The following LOC400499 variants were observed in gnomAD, a reference collection of about 807,000 sequenced individuals.
chr16:11,442,785 G>A, the LOC400499 span, among the ~76,000 whole-genome samples: 32 of 152,144 alleles, frequency 2.1e-4, no homozygotes, highest in African/African-American at 7.0e-4. Context: ...GGCCCATGGC[G>A]CCGGCTCTGC....
the LOC400499 span, chr16:11,412,723 G>C: frequency 7.6e-6 from 3 of 396,552 alleles, no homozygotes; most frequent in Admixed American, 4.4e-5. Context: ...CCCTGCCCTT[G>C]TTTATGCAGC....
At chr16:11,417,060 T>C in the LOC400499 span, among the ~76,000 whole-genome samples, 1 of 152,150 alleles carries the variant, frequency 6.6e-6, no homozygotes, top group African/African-American at 2.4e-5. Flanking sequence ...TGCTTTTATC[T>C]TCCCACCATA....
the LOC400499 span, chr16:11,448,999 C>T: frequency 6.6e-7 from 1 of 1,524,170 alleles, no homozygotes; most frequent in South Asian, 1.2e-5. Flanking sequence ...ATCTTACGGT[C>T]CCGGCTGTTC....
chr16:11,463,486 G>A, the LOC400499 span, among the ~76,000 whole-genome samples: 2 of 150,762 alleles, frequency 1.3e-5, no homozygotes, highest in Non-Finnish European at 1.5e-5. Flanking sequence ...ACACAGACAT[G>A]TGGGTGCATA....
the LOC400499 span, among the ~76,000 whole-genome samples, chr16:11,377,025 A>C: frequency 5.3e-5 from 8 of 151,566 alleles, no homozygotes; most frequent in African/African-American, 1.9e-4. Context: ...ATCATCGTCA[A>C]AACTGACAGC....
At chr16:11,448,546 ACAAACAAACAAACAAACAAAC>A in the LOC400499 span, among the ~76,000 whole-genome samples, 1 of 147,884 alleles carries the variant, frequency 6.8e-6, no homozygotes, top group Non-Finnish European at 1.5e-5. Context: ...AAACAAACAA[ACAAACAAACAAACAAACAAAC>A]GTCAGTGATG....
chr16:11,476,969 C>G, the LOC400499 span: 2 of 399,266 alleles, frequency 5.0e-6, no homozygotes, highest in Non-Finnish European at 4.4e-6. Context: ...CATGTACCAG[C>G]TGCATCCCGA....
At chr16:11,463,359 G>A in the LOC400499 span, among the ~76,000 whole-genome samples, 483 of 147,990 alleles carry the variant, frequency 3.3e-3, no homozygotes, top group African/African-American at 8.7e-3. Context: ...CTCTGTCCCC[G>A]ATCCCCACAG....
chr16:11,432,172 C>A, the LOC400499 span, among the ~76,000 whole-genome samples: 272 of 152,364 alleles, frequency 1.8e-3, no homozygotes, highest in African/African-American at 6.3e-3. Flanking sequence ...TGGCTGGGAA[C>A]TGACTCAGCT....
At chr16:11,457,083 A>G in the LOC400499 span, 20 of 1,473,050 alleles carry the variant, frequency 1.4e-5, no homozygotes, top group Non-Finnish European at 1.8e-5. Flanking sequence ...GGATCATGCC[A>G]CCCCTGGCGT....
the LOC400499 span, chr16:11,459,820 C>A: frequency 8.8e-5 from 109 of 1,240,500 alleles, 3 homozygotes; most frequent in South Asian, 3.4e-3. Flanking sequence ...GCCAGAGGGC[C>A]ATGTGGGGGT....
chr16:11,506,026 T>C, the LOC400499 span, among the ~76,000 whole-genome samples: 1 of 152,060 alleles, frequency 6.6e-6, no homozygotes, highest in African/African-American at 2.4e-5. Context: ...AAAACAACTT[T>C]ATTTATTTTA....
the LOC400499 span, among the ~76,000 whole-genome samples, chr16:11,444,010 G>A: frequency 1.3e-5 from 2 of 148,616 alleles, no homozygotes; most frequent in African/African-American, 2.5e-5. Context: ...AATTTTTATA[G>A]TTTTTTTTTT....
the LOC400499 span, among the ~76,000 whole-genome samples, chr16:11,400,693 G>A: frequency 6.6e-6 from 1 of 152,100 alleles, no homozygotes; most frequent in African/African-American, 2.4e-5. Flanking sequence ...CACTGGCCTC[G>A]GCCTCCCTCA....
At chr16:11,462,010 T>G in the LOC400499 span, 1 of 1,021,458 alleles carries the variant, frequency 9.8e-7, no homozygotes, top group Non-Finnish European at 1.3e-6. Flanking sequence ...GATGGGATGT[T>G]GATATTAAGA....
At chr16:11,473,584 G>A in the LOC400499 span, among the ~76,000 whole-genome samples, 4 of 152,054 alleles carry the variant, frequency 2.6e-5, no homozygotes, top group Non-Finnish European at 5.9e-5. Context: ...GTAAAACCCT[G>A]TCTCCACTAA....
At chr16:11,448,644 T>G in the LOC400499 span, among the ~76,000 whole-genome samples, 1 of 152,138 alleles carries the variant, frequency 6.6e-6, no homozygotes, top group Non-Finnish European at 1.5e-5. Flanking sequence ...GGAGGATCCT[T>G]CAAGCCCAGA....
chr16:11,457,071 T>C, the LOC400499 span: 2 of 1,492,422 alleles, frequency 1.3e-6, no homozygotes, highest in African/African-American at 2.8e-5. Context: ...AAGATGCCAA[T>C]GGGATCATGC....
chr16:11,459,904 A>C, the LOC400499 span: 1 of 1,428,878 alleles, frequency 7.0e-7, no homozygotes, highest in Non-Finnish European at 9.2e-7. Flanking sequence ...ACCTCCATGA[A>C]GTGATTGCTC....
Sources: gnomAD v4.1 joint callset for allele counts (sites outside exome capture counted in the v4.1 genomes callset) on GRCh38, gnomAD v4.1.1 for gene constraint, MANE v1.5 for transcripts.